Variants in PPP1R1C observed in about 807,000 individuals in gnomAD.
The protein encoded by PPP1R1C is protein phosphatase 1 regulatory subunit 1C.
In PPP1R1C, 15 loss-of-function variants were observed where a neutral mutation model predicts 17.4. The ratio of observed to expected loss-of-function variants is 0.86; its 90% CI spans 0.58 to 1.33. The LOEUF (loss-of-function observed/expected upper bound fraction) is 1.33. Ranked by LOEUF, PPP1R1C falls within the 40% of genes most tolerant of loss-of-function variation. The pLI is 0.00. For missense variants in PPP1R1C, 143 were observed against 130.0 expected (o/e 1.10, Z -0.48); for synonymous variants, 35 against 43.1 (o/e 0.81, Z 0.73).
At chr2:182,109,385 T>C (rs1689349162) in intron 4 of PPP1R1C, among the ~76,000 whole-genome samples, 1 of 152,222 alleles carries the variant, frequency 6.6e-6, no homozygotes, top group South Asian at 2.1e-4. Context: ...TCATGGATTA[T>C]GTCTTTGGTG....
Position 182,117,487 on chromosome 2 carries a change from C to T in PPP1R1C, c.*192C>T. On this transcript the variant is annotated 3_prime_UTR_variant, in exon 5 of 5. Transcript: ENST00000682840. ...GAACTAAGTACACATTGTTCCACAT[C>T]ACTTATAATTAAAGAATAAGCATTT... is the stretch of plus-strand genomic sequence containing the variant. 1.7e-5 allele frequency: 8 copies of T among 478,376 alleles called. No homozygotes were observed. The East Asian group carries it at 2.8e-4, about 16-fold the overall frequency. The allele number at this position is 478,376 out of a possible 1,614,324, so 29.6% of individuals were successfully genotyped here.
At chr2:182,002,938 C>CT (rs1461754892) in intron 2 of PPP1R1C, among the ~76,000 whole-genome samples, 5 of 142,246 alleles carry the variant, frequency 3.5e-5, no homozygotes, top group East Asian at 2.0e-4. Flanking sequence ...CCTCCCCCCC[C>CT]CCACAACCCT....
chr2:182,033,453 T>C (rs1190871961), intron 2 of PPP1R1C, among the ~76,000 whole-genome samples: 1 of 152,228 alleles, frequency 6.6e-6, no homozygotes, highest in Non-Finnish European at 1.5e-5. Context: ...ATTTAACATG[T>C]CTAAAAGTGA....
intron 4 of PPP1R1C, among the ~76,000 whole-genome samples, chr2:182,069,905 G>A (rs1053242097): frequency 6.6e-6 from 1 of 152,182 alleles, no homozygotes; most frequent in African/African-American, 2.4e-5. Context: ...ATTCAATTGT[G>A]TAAGTACTAA....
At chr2:181,966,262 T>C (rs1559039833) in intron 1 of PPP1R1C, among the ~76,000 whole-genome samples, 1 of 152,212 alleles carries the variant, frequency 6.6e-6, no homozygotes, top group South Asian at 2.1e-4. Context: ...GAAGGATGAT[T>C]TGACTTCTTC....
At chr2:181,979,501 A>T (rs1258420621) in intron 2 of PPP1R1C, among the ~76,000 whole-genome samples, 1 of 152,166 alleles carries the variant, frequency 6.6e-6, no homozygotes, top group Non-Finnish European at 1.5e-5. Context: ...TCTTTAAAAA[A>T]CCTAAATCAA....
intron 4 of PPP1R1C, among the ~76,000 whole-genome samples, chr2:182,088,872 C>A (rs1688704233): frequency 6.6e-6 from 1 of 152,124 alleles, no homozygotes; most frequent in Non-Finnish European, 1.5e-5. Flanking sequence ...ACAATCATTC[C>A]CTGGTGCACG....
At chr2:181,955,053 T>C (rs908391) in intron 1 of PPP1R1C, among the ~76,000 whole-genome samples, 1 of 152,042 alleles carries the variant, frequency 6.6e-6, no homozygotes, top group East Asian at 1.9e-4. Context: ...TGACTTATTA[T>C]TCCATTTATA....
At chr2:182,059,035 A>G (rs1159397367) in intron 2 of PPP1R1C, among the ~76,000 whole-genome samples, 1 of 152,132 alleles carries the variant, frequency 6.6e-6, no homozygotes, top group Non-Finnish European at 1.5e-5. Flanking sequence ...ATCCACATGC[A>G]TTCTCAGTTT....
At position 181,967,419 on chromosome 2, in the gene PPP1R1C, A is replaced by G. The variant is rs941483414; in HGVS notation, n.112-7800A>G. On this transcript the variant is annotated intron_variant and non_coding_transcript_variant, in intron 1 of 5. Transcript: ENST00000464264. This position sits in a 1 kb window ranked among gnomAD's most constrained non-coding sequence, Gnocchi z 5.5. ...CATGTGAAGATTTTCCACTTTGTTG[A>G]TGTGGGTGCTTATTGCTATAAACTT... Among the ~76,000 whole-genome samples, 1 of 151,854 alleles carries G rather than the reference A, an allele frequency of 6.6e-6. No homozygotes were observed. The highest frequency in any genetic ancestry group is 1.5e-5 in the Non-Finnish European group (1 of 67,956).
intron 2 of PPP1R1C, among the ~76,000 whole-genome samples, chr2:182,046,900 GA>G (rs1354555252): frequency 1.3e-5 from 2 of 152,142 alleles, no homozygotes; most frequent in Non-Finnish European, 2.9e-5. Context: ...TGCTCTGGCT[GA>G]CTAATGCAAG....
intron 2 of PPP1R1C, among the ~76,000 whole-genome samples, chr2:182,027,871 T>C (rs1321068374): frequency 7.5e-6 from 1 of 133,244 alleles, no homozygotes; most frequent in Admixed American, 7.7e-5. Context: ...AACTATTGAT[T>C]ATTGCCACAA....
At chr2:181,988,682 AAGG>A (rs1034294618) in intron 2 of PPP1R1C, among the ~76,000 whole-genome samples, 1 of 152,190 alleles carries the variant, frequency 6.6e-6, no homozygotes, top group Non-Finnish European at 1.5e-5. Flanking sequence ...GGGTGGACAA[AAGG>A]AGTTTAAACA....
intron 2 of PPP1R1C, among the ~76,000 whole-genome samples, chr2:182,042,883 T>C (rs542805801): frequency 6.6e-6 from 1 of 152,290 alleles, no homozygotes; most frequent in Admixed American, 6.5e-5. Context: ...AAATGAGATA[T>C]GTTCGGTCAA....
At chr2:181,964,847 A>G (rs1684878374) in intron 1 of PPP1R1C, among the ~76,000 whole-genome samples, 1 of 152,198 alleles carries the variant, frequency 6.6e-6, no homozygotes, top group Non-Finnish European at 1.5e-5. Flanking sequence ...CTGGGATTAC[A>G]GCAGCCTGCC....
intron 4 of PPP1R1C, among the ~76,000 whole-genome samples, chr2:182,089,055 C>T (rs1380871969): frequency 1.3e-5 from 2 of 152,112 alleles, no homozygotes; most frequent in Non-Finnish European, 2.9e-5. Flanking sequence ...CCAGGTCAAA[C>T]TGGCCCTGTG....
chr2:181,974,655 A>AT (rs942368037), intron 1 of PPP1R1C, among the ~76,000 whole-genome samples: 3 of 152,140 alleles, frequency 2.0e-5, no homozygotes, highest in African/African-American at 7.2e-5. Context: ...GTGCTATGTG[A>AT]TTTTCAGAAA....
In PPP1R1C at chr2:182,114,816, A is replaced by G. The variant is rs577553601; in HGVS notation, c.242-2391A>G. Among the ~76,000 whole-genome samples, 132 of 152,266 alleles carry G rather than the reference A, an allele frequency of 8.7e-4. 6 individuals are homozygous for G. In the South Asian group the frequency reaches 0.026, roughly 30 times the overall value. On this transcript the variant is annotated intron_variant, in intron 4 of 4. Transcript: ENST00000682840. Reference sequence around the variant, plus strand: ...TCCAAGCGAGTGATTTTACTTTGAAAAAGGTTTGGCTTTTTCGTATAACTT... The same window carrying G: ...TCCAAGCGAGTGATTTTACTTTGAAGAAGGTTTGGCTTTTTCGTATAACTT...
At chr2:182,038,128 C>T (rs1174763322) in intron 2 of PPP1R1C, among the ~76,000 whole-genome samples, 1 of 152,132 alleles carries the variant, frequency 6.6e-6, no homozygotes, top group Non-Finnish European at 1.5e-5. Flanking sequence ...GCCTCCACTT[C>T]CTGGGCTCAT....
Sources: allele counts gnomAD v4.1 joint callset (sites outside exome capture counted in the v4.1 genomes callset), GRCh38; gene constraint gnomAD v4.1.1; non-coding constraint Gnocchi (gnomAD v3.1); transcripts MANE v1.5; gene names NCBI Gene and HGNC (gene_info 2026-07-23, HGNC 2026-07-21).